Variants in GDAP2 observed in about 807,000 individuals in gnomAD.
GDAP2 encodes the protein ganglioside-induced differentiation-associated protein 2.
Under a neutral mutation model 67.0 loss-of-function variants are expected in GDAP2, and 51 were observed. The observed-to-expected ratio is 0.76, with a 90% CI of 0.61 to 0.96. The LOEUF (loss-of-function observed/expected upper bound fraction) is 0.96. Among genes scored for constraint, GDAP2 ranks in the 40% least tolerant of loss-of-function variants. The pLI is 0.00. For synonymous variants in GDAP2, 203 were observed against 207.3 expected (o/e 0.98, Z 0.18); for missense variants, 547 against 588.3 (o/e 0.93, Z 0.73).
intron 13 of GDAP2, chr1:117,877,429 T>A (rs1285770335): frequency 1.0e-6 from 1 of 976,136 alleles, no homozygotes; most frequent in Non-Finnish European, 1.2e-6. Flanking sequence ...TAAGGTGATA[T>A]CATGAATAAA....
intron 13 of GDAP2, among the ~76,000 whole-genome samples, chr1:117,876,758 C>A (rs1322030419): frequency 6.6e-6 from 1 of 152,110 alleles, no homozygotes; most frequent in Non-Finnish European, 1.5e-5. Flanking sequence ...GCTTTATAGG[C>A]CCTTAAGTAT....
intron 8 of GDAP2, among the ~76,000 whole-genome samples, chr1:117,890,128 A>G (rs1649016971): frequency 6.6e-6 from 1 of 152,128 alleles, no homozygotes; most frequent in African/African-American, 2.4e-5. Context: ...AGGTAACCAG[A>G]AGTCTAAATA....
At position 117,920,266 on chromosome 1, in the gene GDAP2, T is replaced by C; in HGVS notation, c.92A>G (p.Asp31Gly). The C allele has an allele frequency of 6.2e-7, 1 of 1,604,142 alleles. No individual in the cohort carries two copies. The highest frequency in any genetic ancestry group is 8.5e-7 in the Non-Finnish European group (1 of 1,171,170). ...DSCQDELNSS[D>G]TTAEIFQEDT... The stretch of plus-strand genomic sequence containing the variant: ...TTCCTGAAATATTTCAGCTGTAGTA[T>C]CAGAGGAATTTAATTCATCTTGGCA... Residue 31 changes from aspartate to glycine, a missense_variant, in exon 2 of 14, where the codon GAT becomes GGT. Coordinates refer to ENST00000369443, the MANE Select transcript of GDAP2 (RefSeq NM_017686.4).
At chr1:117,892,789 A>G (rs1396887291) in intron 8 of GDAP2, among the ~76,000 whole-genome samples, 1 of 152,084 alleles carries the variant, frequency 6.6e-6, no homozygotes, top group Non-Finnish European at 1.5e-5. Context: ...AAAAAAATTT[A>G]AACTGTATCA....
intron 1 of GDAP2, among the ~76,000 whole-genome samples, chr1:117,927,219 G>GTT (rs200924294): frequency 5.4e-5 from 8 of 148,432 alleles, no homozygotes; most frequent in South Asian, 2.1e-4. Flanking sequence ...ACTGTAACTT[G>GTT]TTTTTTTTTT....
At chr1:117,916,161 GCA>G (rs1312039527) in intron 3 of GDAP2, among the ~76,000 whole-genome samples, 1 of 152,190 alleles carries the variant, frequency 6.6e-6, no homozygotes, top group Admixed American at 6.5e-5. Flanking sequence ...GAGAAGTACT[GCA>G]GGCTGGCAGC....
chr1:117,901,032 C>T (rs1037744133), intron 6 of GDAP2, among the ~76,000 whole-genome samples: 1 of 152,084 alleles, frequency 6.6e-6, no homozygotes, highest in Non-Finnish European at 1.5e-5. Context: ...TCTACTCCAG[C>T]CTGGGTAACA....
At chr1:117,891,968 T>C (rs919802139) in intron 8 of GDAP2, among the ~76,000 whole-genome samples, 1 of 152,150 alleles carries the variant, frequency 6.6e-6, no homozygotes, top group Admixed American at 6.6e-5. Context: ...ACTTGAGATC[T>C]AAAGATAGAC....
intron 5 of GDAP2, among the ~76,000 whole-genome samples, chr1:117,909,427 T>C (rs1054389634): frequency 1.3e-5 from 2 of 152,158 alleles, no homozygotes; most frequent in African/African-American, 2.4e-5. Flanking sequence ...ATCAAAAACA[T>C]ATTATTTAGG....
chr1:117,884,813 C>CATGTGTGTGTGTGT (rs376358688), intron 10 of GDAP2, among the ~76,000 whole-genome samples: 21 of 147,966 alleles, frequency 1.4e-4, no homozygotes, highest in Non-Finnish European at 2.1e-4. Flanking sequence ...TTATTCCCTC[C>CATGTGTGTGTGTGT]GTGTGTGTGT....
intron 5 of GDAP2, among the ~76,000 whole-genome samples, chr1:117,908,363 A>C (rs1649730667): frequency 6.6e-6 from 1 of 152,174 alleles, no homozygotes; most frequent in South Asian, 2.1e-4. Flanking sequence ...GCTCAGTTAC[A>C]TATTGCCTGC....
chr1:117,914,949 T>G (rs1198911128), intron 3 of GDAP2, among the ~76,000 whole-genome samples: 1 of 152,016 alleles, frequency 6.6e-6, no homozygotes, highest in African/African-American at 2.4e-5. Context: ...AAAAAAGGAT[T>G]TCCCAGGATG....
At chr1:117,914,121 C>T (rs1649963363) in intron 3 of GDAP2, among the ~76,000 whole-genome samples, 1 of 152,110 alleles carries the variant, frequency 6.6e-6, no homozygotes, top group African/African-American at 2.4e-5. Context: ...CAAAGTTTCC[C>T]ATGAACTTTT....
chr1:117,868,384 C>T lies in GDAP2; in HGVS notation c.*2185G>A, dbSNP rs372365061. The T allele has an allele frequency of 2.6e-5, 4 of 152,050 alleles. No homozygotes were observed. The East Asian group carries it at 5.8e-4, about 22-fold the overall frequency. 9.4% of individuals were successfully genotyped at this position (152,050 alleles called of 1,614,324 possible). ...TATATAGTTCTGTATCACCTTTATA[C>T]CCTAGGACATCAATTGTACTAAAAT... On this transcript the variant is annotated 3_prime_UTR_variant, in exon 14 of 14. Transcript: ENST00000369443.
chr1:117,865,505 A>C lies in GDAP2; in HGVS notation c.*5064T>G, dbSNP rs1648026322. On this transcript the variant is annotated 3_prime_UTR_variant, in exon 14 of 14. Transcript: ENST00000369443. ...CAATTAAAATCATTTATATATGTTA[A>C]GCTCTTAAATATTTAGCTCACAAGA... is the stretch of plus-strand genomic sequence containing the variant. 1 of 152,180 alleles carries C rather than the reference A, an allele frequency of 6.6e-6. No individual in the cohort carries two copies. Among genetic ancestry groups the C allele is most frequent in the Admixed American group, 6.5e-5 (1 of 15,280 alleles). 9.4% of individuals were successfully genotyped at this position (152,180 alleles called of 1,614,324 possible).
At chr1:117,881,958 T>A (rs1466441598) in intron 11 of GDAP2, 81 bp from the exon 12 acceptor site, 2 of 758,982 alleles carry the variant, frequency 2.6e-6, no homozygotes, top group African/African-American at 3.5e-5. Context: ...TATTAACTAT[T>A]TGCCTGAGTA....
At chr1:117,879,699 C>T (rs1036540691) in intron 12 of GDAP2, among the ~76,000 whole-genome samples, 16 of 152,116 alleles carry the variant, frequency 1.1e-4, no homozygotes, top group Admixed American at 6.5e-4. Flanking sequence ...ACTGGTAGAG[C>T]TGGGATTAGA....
intron 6 of GDAP2, among the ~76,000 whole-genome samples, chr1:117,903,296 A>C (rs1649545294): frequency 6.6e-6 from 1 of 152,156 alleles, no homozygotes; most frequent in Non-Finnish European, 1.5e-5. Flanking sequence ...TCTTGACTAG[A>C]AACTCTAGTA....
intron 6 of GDAP2, among the ~76,000 whole-genome samples, chr1:117,906,190 C>T (rs1212187432): frequency 5.3e-5 from 8 of 152,232 alleles, no homozygotes; most frequent in African/African-American, 1.9e-4. Flanking sequence ...TCCAGTTATG[C>T]TCCCCAAACA....
Sources: gnomAD v4.1 joint callset for allele counts (sites outside exome capture counted in the v4.1 genomes callset) on GRCh38, gnomAD v4.1.1 for gene constraint, MANE v1.5 for transcripts, NCBI Gene and HGNC (gene_info 2026-07-23, HGNC 2026-07-21) for gene names.